MFN1: variants seen among roughly 807,000 people sequenced by gnomAD.
The protein encoded by MFN1 is mitofusin-1.
In MFN1, 65 loss-of-function variants were observed where a neutral mutation model predicts 92.4. The observed-to-expected ratio is 0.70, with a 90% confidence interval of 0.58 to 0.86. MFN1 has a LOEUF of 0.86. MFN1 is among the 40% of genes least tolerant of loss of function. The pLI is 0.00. For synonymous variants in MFN1, 297 were observed against 300.9 expected, an observed-to-expected ratio of 0.99 and a Z score of 0.13; for missense variants, 781 against 868.0, an observed-to-expected ratio of 0.90 and a Z score of 1.26.
intron 17 of MFN1, among the ~76,000 whole-genome samples, 197 bp downstream of exon 17, chr3:179,390,335 G>A (rs1178367848): frequency 6.6e-6 from 1 of 152,040 alleles, no homozygotes; most frequent in African/African-American, 2.4e-5. Flanking sequence ...AATTCCATGT[G>A]GTTTGCAGTT....
rs1377347073 is a variant in MFN1 at position 179,394,699 on chromosome 3, G to C, written c.*2640G>C. The C allele has an allele frequency of 6.6e-6, 1 of 152,218 alleles. No homozygotes were observed. Among genetic ancestry groups the C allele is most frequent in the Non-Finnish European group, 1.5e-5 (1 of 68,090 alleles). The allele number at this position is 152,218 out of a possible 1,614,324, so 9.4% of individuals were successfully genotyped here. A position where few individuals can be genotyped will look rare whatever the true frequency, so the allele number is the denominator to read the frequency against. On this transcript the variant is annotated 3_prime_UTR_variant, in exon 18 of 18. Transcript: ENST00000471841. ...CAAAGTGCTGGGATTACAGGCGTGA[G>C]CCACCGCGCCCGGCCGAAAGCCAAC... is the stretch of plus-strand genomic sequence containing the variant.
chr3:179,387,763 C>CTT (rs1713747175), intron 16 of MFN1, among the ~76,000 whole-genome samples: 1 of 142,994 alleles, frequency 7.0e-6, no homozygotes, highest in Admixed American at 7.1e-5. Flanking sequence ...GAGTCTCACT[C>CTT]TGTCACCCAG....
At chr3:179,353,887 A>G (rs550840769) in intron 3 of MFN1, among the ~76,000 whole-genome samples, 1 of 152,250 alleles carries the variant, frequency 6.6e-6, no homozygotes, top group Non-Finnish European at 1.5e-5. Context: ...GTGCCTTCTC[A>G]TTCTTCATAT....
At chr3:179,350,221 G>T (rs1018997793) in intron 2 of MFN1, among the ~76,000 whole-genome samples, 2 of 151,840 alleles carry the variant, frequency 1.3e-5, no homozygotes, top group African/African-American at 4.8e-5. Context: ...AATTTTTCCA[G>T]CGACAGTGGG....
rs752692475 is a variant in MFN1, at chr3:179,364,336, T to A, written c.576T>A (p.Ile192=). Residue 192 remains isoleucine, a synonymous_variant, in exon 6 of 18, where the codon ATT becomes ATA. Coordinates refer to ENST00000471841, the MANE Select transcript of MFN1 (RefSeq NM_033540.3). ...TDVTTELDSW[I]DKFCLDADVF... is the part of the protein sequence containing the mutation. ...TCACTACAGAGCTGGATAGCTGGATTGATAAGTTTTGCCTAGATGCTGATG... is the reference window on the plus strand; with the variant it reads ...TCACTACAGAGCTGGATAGCTGGATAGATAAGTTTTGCCTAGATGCTGATG... The A allele has an allele frequency of 6.2e-7, 1 of 1,613,832 alleles. No homozygotes were observed. The highest frequency in any genetic ancestry group is 1.3e-5 in the African/African-American group (1 of 74,936).
chr3:179,384,676 G>C (rs1392465997), intron 14 of MFN1, among the ~76,000 whole-genome samples: 2 of 152,124 alleles, frequency 1.3e-5, no homozygotes, highest in African/African-American at 4.8e-5. Flanking sequence ...GGGACCACAG[G>C]CATGTGCCAC....
At chr3:179,355,516 C>G (rs750925820) in intron 3 of MFN1, among the ~76,000 whole-genome samples, 10 of 151,940 alleles carry the variant, frequency 6.6e-5, no homozygotes, top group Admixed American at 2.0e-4. Context: ...GAGACTTGGA[C>G]TAGGGAGAAT....
chr3:179,352,821 G>A (rs181687734), intron 3 of MFN1, among the ~76,000 whole-genome samples: 1 of 152,082 alleles, frequency 6.6e-6, no homozygotes, highest in Non-Finnish European at 1.5e-5. Flanking sequence ...GCACAATCTC[G>A]GCTCGCTGCA....
chr3:179,370,601 G>A (rs1234732300), intron 9 of MFN1, among the ~76,000 whole-genome samples: 2 of 151,808 alleles, frequency 1.3e-5, no homozygotes, highest in South Asian at 2.1e-4. Flanking sequence ...TAGTAGAGAC[G>A]GGGTTACACA....
At chr3:179,380,762 T>C (rs1219718835) in intron 14 of MFN1, among the ~76,000 whole-genome samples, 1 of 152,174 alleles carries the variant, frequency 6.6e-6, no homozygotes, top group East Asian at 1.9e-4. Flanking sequence ...AGAAGGAGTT[T>C]AGAATGAAAG....
rs1432322881 is a variant in MFN1 at position 179,375,316 on chromosome 3, G to C, written c.1072G>C (p.Val358Leu). ...LATVKNIMDSVNLAAEDKRHY... is the reference protein window; with the variant it reads ...LATVKNIMDSLNLAAEDKRHY... ...TACTGTGAAAAACATAATGGATTCAGTAAACCTGGCAGCTGAAGATAAAAG... is the reference window on the plus strand; with the variant it reads ...TACTGTGAAAAACATAATGGATTCACTAAACCTGGCAGCTGAAGATAAAAG... Residue 358 changes from valine to leucine, a missense_variant, in exon 10 of 18, where the codon GTA becomes CTA. Physicochemically the swap from Val to Leu is conservative, Grantham distance 32. Transcript: ENST00000471841. The C allele has an allele frequency of 6.2e-7, 1 of 1,613,292 alleles. No homozygotes were observed. The highest frequency in any genetic ancestry group is 8.5e-7 in the Non-Finnish European group (1 of 1,179,806).
At chr3:179,367,957 A>T in intron 8 of MFN1, 79 bp from the exon 9 acceptor site, 1 of 690,016 alleles carries the variant, frequency 1.4e-6, no homozygotes, top group Non-Finnish European at 2.0e-6. Flanking sequence ...TATATATTTA[A>T]AATTATAAAA....
intron 15 of MFN1, 113 bp downstream of exon 15, chr3:179,385,834 T>C (rs920196482): frequency 9.6e-7 from 1 of 1,038,308 alleles, no homozygotes; most frequent in African/African-American, 1.7e-5. Flanking sequence ...ATCTGTAAAA[T>C]AGTATGAAAA....
At chr3:179,384,744 T>TG (rs1713604712) in intron 14 of MFN1, among the ~76,000 whole-genome samples, 1 of 152,158 alleles carries the variant, frequency 6.6e-6, no homozygotes, top group Non-Finnish European at 1.5e-5. Context: ...TGTGCTGTGC[T>TG]GGCTGGTTTC....
intron 14 of MFN1, among the ~76,000 whole-genome samples, chr3:179,381,330 C>A (rs1713458253): frequency 6.6e-6 from 1 of 152,132 alleles, no homozygotes; most frequent in Admixed American, 6.5e-5. Flanking sequence ...CCGAGAGGAC[C>A]CACTTCTTGG....
intron 14 of MFN1, among the ~76,000 whole-genome samples, chr3:179,380,674 A>G (rs1055309634): frequency 2.0e-5 from 3 of 152,230 alleles, no homozygotes; most frequent in African/African-American, 4.8e-5. Flanking sequence ...TCTACGATCA[A>G]TGAAGAGTAA....
intron 3 of MFN1, among the ~76,000 whole-genome samples, chr3:179,353,595 G>A (rs1029104898): frequency 3.3e-5 from 5 of 152,072 alleles, no homozygotes; most frequent in African/African-American, 4.8e-5. Context: ...GATCAGGTAC[G>A]TCTTCCAAAA....
intron 3 of MFN1, among the ~76,000 whole-genome samples, chr3:179,356,567 A>G (rs776968756): frequency 1.2e-4 from 18 of 152,268 alleles, no homozygotes; most frequent in African/African-American, 4.3e-4. Flanking sequence ...AAAAATCCCC[A>G]TATATCTAGT....
intron 1 of MFN1, 129 bp from the exon 2 acceptor site, chr3:179,348,716 A>G: frequency 7.2e-7 from 1 of 1,384,736 alleles, no homozygotes; most frequent in South Asian, 1.6e-5. Context: ...CCAAAAAAGA[A>G]TTACCTAAAA....
Sources: gnomAD v4.1 joint callset for allele counts (sites outside exome capture counted in the v4.1 genomes callset) on GRCh38, gnomAD v4.1.1 for gene constraint, MANE v1.5 for transcripts, NCBI Gene and HGNC (gene_info 2026-07-23, HGNC 2026-07-21) for gene names.